The following DAB1 variants were observed in gnomAD, a reference collection of about 807,000 sequenced individuals.
DAB1 encodes the protein DAB adaptor protein 1.
In DAB1, 15 loss-of-function variants were observed where a neutral mutation model predicts 64.6. That is an observed-to-expected ratio of 0.23 (90% CI 0.16 to 0.36). The LOEUF (loss-of-function observed/expected upper bound fraction) is 0.36. DAB1 is among the 10% of genes least tolerant of loss of function. The pLI is 1.00. For synonymous variants in DAB1, 235 were observed against 251.9 expected, an observed-to-expected ratio of 0.93 and a Z score of 0.64; for missense variants, 596 against 706.7, an observed-to-expected ratio of 0.84 and a Z score of 1.78.
At chr1:58,438,383 GAT>G in intron 3 of DAB1, among the ~76,000 whole-genome samples, 1 of 152,302 alleles carries the variant, frequency 6.6e-6, no homozygotes, top group South Asian at 2.1e-4. Flanking sequence ...ATTTAGCTGT[GAT>G]GGAAAGGATG....
intron 2 of DAB1, among the ~76,000 whole-genome samples, chr1:57,175,315 A>T (rs985203820): frequency 1.9e-4 from 27 of 143,932 alleles, no homozygotes; most frequent in Admixed American, 1.7e-3. Context: ...CAGACTTTAA[A>T]TTTTTTTTTT....
rs966132462 is a variant in DAB1 at position 58,118,819 on chromosome 1, T to C, written n.387+31692A>G. Among the ~76,000 whole-genome samples, 4 of 151,624 alleles carry C rather than the reference T, an allele frequency of 2.6e-5. No homozygotes were observed. In the East Asian group the frequency reaches 5.9e-4, roughly 22 times the overall value. On this transcript the variant is annotated intron_variant and non_coding_transcript_variant, in intron 5 of 20. Coordinates refer to the DAB1 transcript ENST00000485760. ...TGACAAAGACCACATACCTCGGAAATAGCAGTGCTGGGCAGTACAGCTCCA... is the reference window on the plus strand; with the variant it reads ...TGACAAAGACCACATACCTCGGAAACAGCAGTGCTGGGCAGTACAGCTCCA...
chr1:57,540,789 G>A (rs368115801), intron 7 of DAB1, among the ~76,000 whole-genome samples: 25 of 152,300 alleles, frequency 1.6e-4, no homozygotes, highest in African/African-American at 3.8e-4. Context: ...AGAAAGTAGC[G>A]TGATAGTTAC....
At chr1:58,442,255 C>T (rs2100270384) in intron 3 of DAB1, among the ~76,000 whole-genome samples, 1 of 152,206 alleles carries the variant, frequency 6.6e-6, no homozygotes, top group East Asian at 1.9e-4. Context: ...TCAACTTGGT[C>T]AGTTTCAAGG....
chr1:58,168,361 G>T (rs1655978569), intron 4 of DAB1, among the ~76,000 whole-genome samples: 1 of 152,106 alleles, frequency 6.6e-6, no homozygotes. Context: ...AACTCTCAAA[G>T]TCATGTCACC....
At chr1:57,683,951 T>A (rs1385358860) in intron 6 of DAB1, among the ~76,000 whole-genome samples, 1 of 152,142 alleles carries the variant, frequency 6.6e-6, no homozygotes, top group Non-Finnish European at 1.5e-5. Context: ...GAAAATTAAC[T>A]TCAAGAATTT....
At chr1:58,308,405 A>G (rs891489690) in intron 4 of DAB1, among the ~76,000 whole-genome samples, 6 of 151,950 alleles carry the variant, frequency 3.9e-5, no homozygotes, top group African/African-American at 1.5e-4. Context: ...TGTGGGCATG[A>G]CACCTGACAC....
At chr1:58,404,750 A>C (rs1644601192) in intron 3 of DAB1, among the ~76,000 whole-genome samples, 1 of 152,038 alleles carries the variant, frequency 6.6e-6, no homozygotes, top group African/African-American at 2.4e-5. Flanking sequence ...TCCACTGTTA[A>C]GTTCCTCATA....
At chr1:57,735,557 G>C (rs1647644435) in intron 6 of DAB1, among the ~76,000 whole-genome samples, 2 of 148,076 alleles carry the variant, frequency 1.4e-5, no homozygotes, top group African/African-American at 2.5e-5. Context: ...GGAGACAAAA[G>C]AGTGAATCCA....
chr1:58,518,706 A>G (rs966399746), intron 2 of DAB1, among the ~76,000 whole-genome samples: 5 of 152,110 alleles, frequency 3.3e-5, no homozygotes, highest in East Asian at 3.9e-4. Flanking sequence ...CATTGGGAAA[A>G]GGGAGACCAG....
chr1:57,919,038 A>G (rs1458782235), intron 5 of DAB1, among the ~76,000 whole-genome samples: 2 of 152,210 alleles, frequency 1.3e-5, no homozygotes, highest in African/African-American at 4.8e-5. Context: ...GTGGTGCAAT[A>G]TATTTGCAAT....
intron 4 of DAB1, among the ~76,000 whole-genome samples, chr1:57,122,742 A>G (rs949962947): frequency 9.2e-5 from 14 of 152,198 alleles, no homozygotes; most frequent in African/African-American, 3.1e-4. Context: ...CCTGTTCTCC[A>G]TAAATTATAC....
intron 5 of DAB1, among the ~76,000 whole-genome samples, chr1:57,901,411 A>G (rs1644472134): frequency 6.6e-6 from 1 of 151,958 alleles, no homozygotes; most frequent in African/African-American, 2.4e-5. Context: ...TGTTCTCCAT[A>G]TTTCTCTTCA....
At chr1:58,232,476 TACAC>T (rs58863239) in intron 4 of DAB1, among the ~76,000 whole-genome samples, 4,162 of 144,036 alleles carry the variant, frequency 0.029, 119 homozygotes, top group East Asian at 0.05. Context: ...TCTGAGTGAA[TACAC>T]ACACACACAC....
In DAB1 at chr1:57,568,601, C is replaced by G. The variant is rs1645152851; in HGVS notation, n.625+80991G>C. ...ACAAGAAAAAAACAAACAACCTCAT[C>G]AAAAACCGGGCAAAAGGTATGAACA... is the stretch of plus-strand genomic sequence containing the variant. On this transcript the variant is annotated intron_variant and non_coding_transcript_variant, in intron 7 of 20. Transcript: ENST00000485760. Among the ~76,000 whole-genome samples, 3 of 152,236 alleles carry G rather than the reference C, an allele frequency of 2.0e-5. No individual in the cohort carries two copies. In the South Asian group the frequency reaches 6.2e-4, roughly 32 times the overall value.
chr1:58,008,128 C>A (rs1472878965), intron 5 of DAB1, among the ~76,000 whole-genome samples: 1 of 151,998 alleles, frequency 6.6e-6, no homozygotes, highest in Non-Finnish European at 1.5e-5. Context: ...AACCTCTATA[C>A]CCTGAGAGAT....
chr1:57,725,082 G>C (rs1239190783), intron 6 of DAB1, among the ~76,000 whole-genome samples: 1 of 152,154 alleles, frequency 6.6e-6, no homozygotes. Context: ...AAGTACAAGG[G>C]CTGTGGCCTA....
intron 2 of DAB1, among the ~76,000 whole-genome samples, chr1:57,171,704 C>T (rs1022987231): frequency 1.3e-5 from 2 of 152,126 alleles, no homozygotes; most frequent in Non-Finnish European, 2.9e-5. Flanking sequence ...CTTCTATGTT[C>T]TCCGTAGAGG....
chr1:58,061,993 T>A (rs796416568), intron 5 of DAB1, among the ~76,000 whole-genome samples: 6 of 152,274 alleles, frequency 3.9e-5, no homozygotes, highest in African/African-American at 1.4e-4. Context: ...TAACCTAACC[T>A]CCATTTCAAA....
Sources: allele counts gnomAD v4.1 joint callset (sites outside exome capture counted in the v4.1 genomes callset), GRCh38; gene constraint gnomAD v4.1.1; transcripts MANE v1.5; gene names NCBI Gene and HGNC (gene_info 2026-07-23, HGNC 2026-07-21).